MGAT4A: variants seen among roughly 807,000 people sequenced by gnomAD.
MGAT4A encodes the protein alpha-1,3-mannosyl-glycoprotein 4-beta-N-acetylglucosaminyltransferase A, also known as N-acetylglucosaminyltransferase IVa.
Under a neutral mutation model 74.1 loss-of-function variants are expected in MGAT4A, and 33 were observed. That is an observed-to-expected ratio of 0.45 (90% confidence interval 0.34 to 0.60). The LOEUF (loss-of-function observed/expected upper bound fraction) is 0.60. Ranked by LOEUF, MGAT4A falls within the 20% of genes least tolerant of loss-of-function variation. The pLI is 0.02. For synonymous variants in MGAT4A, 198 were observed against 210.4 expected (o/e 0.94, Z 0.51); for missense variants, 479 against 628.3 (o/e 0.76, Z 2.54).
intron 5 of MGAT4A, among the ~76,000 whole-genome samples, chr2:98,660,173 G>A (rs1326418096): frequency 3.3e-5 from 5 of 152,146 alleles, no homozygotes; most frequent in Admixed American, 3.3e-4. Context: ...TTTAACCAAG[G>A]AAGTGAAAGA....
At chr2:98,652,553 G>A (rs979847530) in intron 8 of MGAT4A, among the ~76,000 whole-genome samples, 2 of 151,986 alleles carry the variant, frequency 1.3e-5, no homozygotes, top group Non-Finnish European at 2.9e-5. Context: ...GGATGGTCTC[G>A]ATCTCCTGAC....
At chr2:98,659,018 T>C (rs1355229316) in intron 5 of MGAT4A, among the ~76,000 whole-genome samples, 1 of 152,180 alleles carries the variant, frequency 6.6e-6, no homozygotes. Context: ...ATGGCAGGCA[T>C]GTTTTAAACA....
chr2:98,658,262 T>G lies in MGAT4A; in HGVS notation c.540A>C (p.Thr180=). 6.5e-7 allele frequency: 1 copy of G among 1,549,768 alleles called. No homozygotes were observed. Among genetic ancestry groups the G allele is most frequent in the Non-Finnish European group, 8.8e-7 (1 of 1,142,390 alleles). The change falls in exon 6 of 16, where the codon ACA becomes ACC. Residue 180 remains threonine, a splice_region_variant and synonymous_variant. Coordinates refer to ENST00000393487, the MANE Select transcript of MGAT4A (RefSeq NM_012214.3). Reference sequence around the variant, plus strand: ...CAACACCATGTACATAATCAATATCTGTCTGGGAAAGAAAAAAAATGTATC... The same window carrying G: ...CAACACCATGTACATAATCAATATCGGTCTGGGAAAGAAAAAAAATGTATC... ...DCVIVVFIGE[T]DIDYVHGVVA... is the part of the protein sequence containing the mutation.
In MGAT4A at chr2:98,624,114, G is replaced by A. The variant is rs189129846; in HGVS notation, c.*1452C>T. 8.6e-4 allele frequency: 670 copies of A among 775,628 alleles called. 9 individuals carry two copies. In the African/African-American group the frequency reaches 0.011, roughly 13 times the overall value. The allele number at this position is 775,628 out of a possible 1,614,324, so 48.0% of individuals were successfully genotyped here. Reference sequence around the variant, plus strand: ...TGCCAGCTCTGCCTCCTGGGTTCACGCCATTCTCCTGCCTCAGCCTCCCAA... The same window carrying A: ...TGCCAGCTCTGCCTCCTGGGTTCACACCATTCTCCTGCCTCAGCCTCCCAA... On this transcript the variant is annotated 3_prime_UTR_variant, in exon 16 of 16. Coordinates refer to ENST00000393487, the MANE Select transcript of MGAT4A (RefSeq NM_012214.3).
chr2:98,673,301 A>G (rs1300328507), intron 4 of MGAT4A, among the ~76,000 whole-genome samples: 2 of 152,168 alleles, frequency 1.3e-5, no homozygotes, highest in Non-Finnish European at 2.9e-5. Context: ...TCTTTATCTA[A>G]GAAACAGAAG....
chr2:98,667,466 T>C (rs753385791), intron 4 of MGAT4A, among the ~76,000 whole-genome samples: 1 of 152,108 alleles, frequency 6.6e-6, no homozygotes, highest in Non-Finnish European at 1.5e-5. Context: ...ATATGGACAA[T>C]GAAATCTAGG....
chr2:98,666,597 G>A (rs113715627), intron 4 of MGAT4A, among the ~76,000 whole-genome samples: 6 of 152,136 alleles, frequency 3.9e-5, no homozygotes, highest in African/African-American at 1.4e-4. Flanking sequence ...GGAGGCTGGG[G>A]TGGGAGGATC....
At chr2:98,713,707 G>C (rs1248207335) in intron 2 of MGAT4A, among the ~76,000 whole-genome samples, 1 of 152,182 alleles carries the variant, frequency 6.6e-6, no homozygotes, top group Admixed American at 6.5e-5. Flanking sequence ...GGGACAGGAG[G>C]AATGAGAAGA....
Position 98,621,396 on chromosome 2 carries a change from C to T in MGAT4A, c.*4170G>A, listed in dbSNP as rs1172423164. 4 of 1,550,282 alleles carry T rather than the reference C, an allele frequency of 2.6e-6. No individual in the cohort carries two copies. The Admixed American group carries it at 5.9e-5, about 23-fold the overall frequency. ...CAAGGCCTCTCTCAGCTCCTCAAAG[C>T]CATGTGCATTCCTTCTCATGCAGCC... On this transcript the variant is annotated 3_prime_UTR_variant, in exon 16 of 16. Transcript: ENST00000393487.
At chr2:98,653,924 T>C (rs958239584) in intron 8 of MGAT4A, among the ~76,000 whole-genome samples, 15 of 151,764 alleles carry the variant, frequency 9.9e-5, no homozygotes, top group Non-Finnish European at 2.2e-4. Context: ...CACTAGCAAA[T>C]GGAATTAAAA....
At chr2:98,688,343 T>G (rs1188491631) in intron 2 of MGAT4A, among the ~76,000 whole-genome samples, 1 of 152,168 alleles carries the variant, frequency 6.6e-6, no homozygotes, top group African/African-American at 2.4e-5. Flanking sequence ...AAGCGGACTC[T>G]GCAGTGACCC....
chr2:98,710,529 G>A (rs1385055275), intron 2 of MGAT4A, among the ~76,000 whole-genome samples: 1 of 151,950 alleles, frequency 6.6e-6, no homozygotes. Context: ...GCCCGAACTC[G>A]GCTCACTGCA....
At chr2:98,686,755 CAGGCTG>C (rs1341772076) in intron 2 of MGAT4A, among the ~76,000 whole-genome samples, 6 of 152,150 alleles carry the variant, frequency 3.9e-5, no homozygotes, top group African/African-American at 1.4e-4. Flanking sequence ...CCATGTTGCC[CAGGCTG>C]GTCCTGAACT....
intron 2 of MGAT4A, among the ~76,000 whole-genome samples, chr2:98,716,725 C>CT (rs1433801643): frequency 1.3e-5 from 2 of 152,210 alleles, no homozygotes; most frequent in Non-Finnish European, 2.9e-5. Context: ...GTTCCAGTAT[C>CT]TTTGAGGATA....
intron 10 of MGAT4A, among the ~76,000 whole-genome samples, chr2:98,643,539 G>T (rs1289095710): frequency 6.6e-6 from 1 of 152,116 alleles, no homozygotes; most frequent in African/African-American, 2.4e-5. Context: ...TTACAGATGT[G>T]TTAGGGTCTA....
At chr2:98,650,454 CA>C (rs1394085551) in intron 8 of MGAT4A, among the ~76,000 whole-genome samples, 1 of 152,010 alleles carries the variant, frequency 6.6e-6, no homozygotes, top group Non-Finnish European at 1.5e-5. Context: ...ATGAAGTTGT[CA>C]AAAGTCACAA....
At chr2:98,627,408 C>A (rs1191901328) in intron 14 of MGAT4A, among the ~76,000 whole-genome samples, 1 of 152,054 alleles carries the variant, frequency 6.6e-6, no homozygotes, top group African/African-American at 2.4e-5. Context: ...TAGAGTCTCA[C>A]TCTGTCACCC....
At chr2:98,660,392 CCACACACA>C (rs57759198) in intron 5 of MGAT4A, among the ~76,000 whole-genome samples, 2 of 138,624 alleles carry the variant, frequency 1.4e-5, no homozygotes, top group Non-Finnish European at 3.1e-5. Context: ...TCATATATAA[CCACACACA>C]CACACACACA....
At chr2:98,664,532 TCAC>T (rs932106259) in intron 4 of MGAT4A, among the ~76,000 whole-genome samples, 1 of 152,154 alleles carries the variant, frequency 6.6e-6, no homozygotes, top group African/African-American at 2.4e-5. Flanking sequence ...CTGTCTCAGT[TCAC>T]CACAACTATC....
Sources: allele counts gnomAD v4.1 joint callset (sites outside exome capture counted in the v4.1 genomes callset), GRCh38; gene constraint gnomAD v4.1.1; transcripts MANE v1.5; gene names NCBI Gene and HGNC (gene_info 2026-07-23, HGNC 2026-07-21).